GALNT13: variants seen among roughly 807,000 people sequenced by gnomAD.
GALNT13 encodes polypeptide N-acetylgalactosaminyltransferase 13.
In GALNT13, 28 loss-of-function variants were observed where a neutral mutation model predicts 64.2. That is an observed-to-expected ratio of 0.44 (90% CI 0.32 to 0.60). The LOEUF (loss-of-function observed/expected upper bound fraction) is 0.60, where lower values mean the gene tolerates loss of function less well. Among genes scored for constraint, GALNT13 ranks in the 20% least tolerant of loss-of-function variants. GALNT13 has a pLI of 0.05. For missense variants in GALNT13, 577 were observed against 669.8 expected (o/e 0.86, Z 1.53); for synonymous variants, 214 against 224.6 (o/e 0.95, Z 0.42).
chr2:153,087,814 G>T, the GALNT13 span, among the ~76,000 whole-genome samples: 1 of 151,852 alleles, frequency 6.6e-6, no homozygotes, highest in Non-Finnish European at 1.5e-5. Context: ...CAGTTGTAAT[G>T]TTTCTTGTTT....
chr2:154,265,948 G>A (rs1193050360), intron 8 of GALNT13, among the ~76,000 whole-genome samples: 1 of 152,176 alleles, frequency 6.6e-6, no homozygotes, highest in African/African-American at 2.4e-5. Flanking sequence ...GAAATGCAAG[G>A]TTGGTTTAGC....
chr2:154,366,682 A>G (rs1382766914), intron 9 of GALNT13, among the ~76,000 whole-genome samples: 1 of 152,218 alleles, frequency 6.6e-6, no homozygotes, highest in Non-Finnish European at 1.5e-5. Context: ...ATGTCAAGGA[A>G]GCGGGAATTT....
chr2:153,467,613 G>A, the GALNT13 span, among the ~76,000 whole-genome samples: 1 of 151,936 alleles, frequency 6.6e-6, no homozygotes, highest in African/African-American at 2.4e-5. Flanking sequence ...TCTTTTTCAT[G>A]GGAATGCGAT....
chr2:153,518,200 T>C, the GALNT13 span, among the ~76,000 whole-genome samples: 1 of 152,192 alleles, frequency 6.6e-6, no homozygotes, highest in Non-Finnish European at 1.5e-5. Flanking sequence ...AGACATGTTA[T>C]CTGACCAATC....
the GALNT13 span, among the ~76,000 whole-genome samples, chr2:153,528,097 A>G: frequency 2.0e-3 from 308 of 152,016 alleles, 3 homozygotes; most frequent in Non-Finnish European, 1.7e-3. Flanking sequence ...ATTGAATGTA[A>G]ATGGACTAAA....
At chr2:153,901,839 C>G (rs1688254670) in intron 2 of GALNT13, among the ~76,000 whole-genome samples, 1 of 152,164 alleles carries the variant, frequency 6.6e-6, no homozygotes, top group African/African-American at 2.4e-5. Context: ...CCCCTAATGG[C>G]AGATATAATA....
chr2:153,864,699 A>G, the GALNT13 span, among the ~76,000 whole-genome samples: 1 of 151,814 alleles, frequency 6.6e-6, no homozygotes, highest in African/African-American at 2.4e-5. Flanking sequence ...GCTCATGGGT[A>G]GGAAGAATCA....
chr2:153,560,981 A>G, the GALNT13 span, among the ~76,000 whole-genome samples: 1 of 151,948 alleles, frequency 6.6e-6, no homozygotes, highest in East Asian at 1.9e-4. Context: ...TGCATCTTTA[A>G]TGAGTCTTTA....
At chr2:153,585,963 A>G in the GALNT13 span, among the ~76,000 whole-genome samples, 1,024 of 152,324 alleles carry the variant, frequency 6.7e-3, 7 homozygotes, top group African/African-American at 0.023. Flanking sequence ...CTGACCTGAT[A>G]AGAAATAGTC....
the GALNT13 span, among the ~76,000 whole-genome samples, chr2:153,261,173 A>G: frequency 4.6e-5 from 7 of 152,230 alleles, no homozygotes; most frequent in African/African-American, 1.4e-4. Flanking sequence ...CTGAAAGGTA[A>G]TATATCTCTG....
the GALNT13 span, among the ~76,000 whole-genome samples, chr2:153,659,304 T>TCC: frequency 4.0e-5 from 6 of 151,890 alleles, 1 homozygote; most frequent in East Asian, 5.9e-4. Flanking sequence ...TCATTGCATA[T>TCC]CCCCCCCATC....
At chr2:153,398,837 G>A in the GALNT13 span, among the ~76,000 whole-genome samples, 9 of 138,260 alleles carry the variant, frequency 6.5e-5, no homozygotes, top group African/African-American at 2.2e-4. Flanking sequence ...TTTGTCAGAT[G>A]AGTAGGTTGT....
Position 153,927,096 on chromosome 2 carries a change from G to T in GALNT13, c.-104-17298G>T, listed in dbSNP as rs1272534753. ...GGTATTTAAAACAGTGTTCAGTGGA[G>T]AAATTACTAGTTCAAAGTATATGAT... On this transcript the variant is annotated intron_variant, in intron 2 of 12. Coordinates refer to ENST00000392825, the MANE Select transcript of GALNT13 (RefSeq NM_052917.4). 3.9e-5 allele frequency among the ~76,000 whole-genome samples: 6 copies of T among 152,000 alleles called. No homozygotes were observed. In the East Asian group the frequency reaches 1.2e-3, roughly 29 times the overall value.
the GALNT13 span, among the ~76,000 whole-genome samples, chr2:153,196,913 C>T: frequency 6.6e-6 from 1 of 152,218 alleles, no homozygotes; most frequent in Non-Finnish European, 1.5e-5. Flanking sequence ...CTCCCCACTG[C>T]AGCTGGTGCA....
At chr2:153,874,032 T>C (rs1259621611) in intron 1 of GALNT13, among the ~76,000 whole-genome samples, 5 of 151,926 alleles carry the variant, frequency 3.3e-5, no homozygotes, top group Non-Finnish European at 7.4e-5. Flanking sequence ...CCTTTCCTTT[T>C]CCTCAAAGAA....
chr2:154,450,156 A>C (rs911001613), intron 12 of GALNT13, among the ~76,000 whole-genome samples: 11 of 152,026 alleles, frequency 7.2e-5, no homozygotes, highest in African/African-American at 2.7e-4. Context: ...AATTCTTGGC[A>C]ATGCTTGATA....
chr2:154,293,356 T>C (rs1037168235), intron 8 of GALNT13, among the ~76,000 whole-genome samples: 1 of 152,176 alleles, frequency 6.6e-6, no homozygotes, highest in South Asian at 2.1e-4. Context: ...CTCCTGGACA[T>C]TGATGTTGTA....
chr2:154,070,172 C>T (rs1392746770), intron 3 of GALNT13, among the ~76,000 whole-genome samples: 2 of 152,038 alleles, frequency 1.3e-5, no homozygotes, highest in Non-Finnish European at 2.9e-5. Context: ...AATTCATAGT[C>T]ACTCATTTAT....
chr2:153,905,617 C>T (rs958679740), intron 2 of GALNT13, among the ~76,000 whole-genome samples: 1 of 151,884 alleles, frequency 6.6e-6, no homozygotes, highest in Non-Finnish European at 1.5e-5. Flanking sequence ...TGATTTTGGT[C>T]ATAACTTTCA....
Sources: gnomAD v4.1 joint callset for allele counts (sites outside exome capture counted in the v4.1 genomes callset) on GRCh38, gnomAD v4.1.1 for gene constraint, MANE v1.5 for transcripts, NCBI Gene and HGNC (gene_info 2026-07-23, HGNC 2026-07-21) for gene names.